The following SHPRH variants were observed in gnomAD, a reference collection of about 807,000 sequenced individuals.
SHPRH encodes E3 ubiquitin-protein ligase SHPRH.
A neutral mutation model predicts 202.5 loss-of-function variants in SHPRH; 106 were observed. That is an observed-to-expected ratio of 0.52 (90% CI 0.45 to 0.62). SHPRH has a LOEUF of 0.62. Ranked by LOEUF, SHPRH falls within the 20% of genes least tolerant of loss-of-function variation. The pLI is 0.00. For synonymous variants in SHPRH, 729 were observed against 686.0 expected, an observed-to-expected ratio of 1.06 and a Z score of -0.98; for missense variants, 1,710 against 2,020.0, an observed-to-expected ratio of 0.85 and a Z score of 2.94.
At chr6:145,896,468 T>A (rs1435602400) in intron 25 of SHPRH, among the ~76,000 whole-genome samples, 4 of 152,034 alleles carry the variant, frequency 2.6e-5, no homozygotes, top group African/African-American at 9.7e-5. Flanking sequence ...AAATGTAGAA[T>A]AAATTTTTTA....
intron 28 of SHPRH, among the ~76,000 whole-genome samples, chr6:145,891,801 T>C (rs1475666230): frequency 1.3e-5 from 2 of 152,152 alleles, no homozygotes; most frequent in Non-Finnish European, 2.9e-5. Flanking sequence ...AGTAAGATTG[T>C]TGGGTAATGC....
chr6:145,943,414 T>C lies in SHPRH; in HGVS notation c.1967A>G (p.Asp656Gly). The C allele has an allele frequency of 6.2e-7, 1 of 1,614,062 alleles. No homozygotes were observed. Among genetic ancestry groups the C allele is most frequent in the Non-Finnish European group, 8.5e-7 (1 of 1,179,964 alleles). Residue 656 changes from aspartate (D) to glycine (G), a missense_variant, in exon 9 of 30, where the codon GAT becomes GGT. Physicochemically the swap from Asp to Gly is moderately conservative, Grantham distance 94. Coordinates refer to ENST00000275233, the MANE Select transcript of SHPRH (RefSeq NM_001042683.3). ...SNTMSPFNTS[D>G]YRFECICGEL... ...ACCACATATACACTCAAAGCGGTAA[T>C]CAGAGGTGTTAAAGGGACTCATGGT... is the stretch of plus-strand genomic sequence containing the variant.
At chr6:145,959,484 G>A (rs1198037251) in intron 1 of SHPRH, among the ~76,000 whole-genome samples, 4 of 147,614 alleles carry the variant, frequency 2.7e-5, no homozygotes, top group East Asian at 2.0e-4. Flanking sequence ...GTAGGCTGGC[G>A]GTACCACCTA....
At chr6:145,958,965 T>G (rs901458731) in intron 1 of SHPRH, among the ~76,000 whole-genome samples, 2 of 152,126 alleles carry the variant, frequency 1.3e-5, no homozygotes, top group African/African-American at 4.8e-5. Flanking sequence ...CCTGAGTAGC[T>G]GGGACTACAG....
intron 25 of SHPRH, chr6:145,903,543 G>A (rs549711334): frequency 6.6e-6 from 1 of 152,088 alleles, no homozygotes; most frequent in South Asian, 2.1e-4. Flanking sequence ...AAAGTTTATG[G>A]AGACAGAGCC....
intron 28 of SHPRH, among the ~76,000 whole-genome samples, chr6:145,892,764 T>C (rs1781676905): frequency 6.6e-6 from 1 of 152,142 alleles, no homozygotes; most frequent in African/African-American, 2.4e-5. Flanking sequence ...TGTCTTTTCC[T>C]AATGTTAAGA....
chr6:145,909,135 C>G (rs948343973), intron 25 of SHPRH: 2 of 152,082 alleles, frequency 1.3e-5, no homozygotes, highest in Admixed American at 6.6e-5. Flanking sequence ...GTTTTGGTTA[C>G]TGTAGCCTTG....
chr6:145,958,514 T>A (rs1156433577), intron 1 of SHPRH, among the ~76,000 whole-genome samples: 1 of 151,980 alleles, frequency 6.6e-6, no homozygotes, highest in Non-Finnish European at 1.5e-5. Context: ...GAAACTAAAG[T>A]GACATTATTT....
chr6:145,922,345 A>G lies in SHPRH; in HGVS notation c.3723T>C (p.Cys1241=). 3.8e-6 allele frequency: 6 copies of G among 1,560,568 alleles called. No individual in the cohort carries two copies. Among genetic ancestry groups the G allele is most frequent in the Non-Finnish European group, 5.2e-6 (6 of 1,163,588 alleles). ...LRPARLPLNC[C]VFCKADELFT... ...ACAATTCATCAGCTTTACAAAAGAC[A>G]CAGCTGAAAAAAAAGAGATTAACAG... The change falls in exon 20 of 30, where the codon TGT becomes TGC. Residue 1241 remains cysteine (C), a synonymous_variant. Transcript: ENST00000275233.
At chr6:145,860,727 A>G (rs1002016578), downstream of SHPRH, among the ~76,000 whole-genome samples, 6 of 152,140 alleles carry the variant, frequency 3.9e-5, no homozygotes, top group Non-Finnish European at 7.4e-5. Flanking sequence ...CAGAGGTATC[A>G]CATTCTATTA....
In SHPRH at chr6:145,886,544, C is replaced by T; in HGVS notation, c.*147G>A. ...TGAAAAGGACTCAATAAGTACTAAGCCACTGTATAACCAGAACAATAAACA... is the reference window on the plus strand; with the variant it reads ...TGAAAAGGACTCAATAAGTACTAAGTCACTGTATAACCAGAACAATAAACA... On this transcript the variant is annotated 3_prime_UTR_variant, in exon 30 of 30. Transcript: ENST00000275233. The T allele has an allele frequency of 7.1e-7, 1 of 1,409,484 alleles. No individual in the cohort carries two copies. The highest frequency in any genetic ancestry group is 9.6e-7 in the Non-Finnish European group (1 of 1,036,966). 87.3% of individuals were successfully genotyped at this position (1,409,484 alleles called of 1,614,324 possible).
At chr6:145,896,355 T>TG (rs1238258402) in intron 25 of SHPRH, among the ~76,000 whole-genome samples, 2 of 152,052 alleles carry the variant, frequency 1.3e-5, no homozygotes, top group Non-Finnish European at 2.9e-5. Context: ...AAAACATCCA[T>TG]GTTCCTTGCA....
intron 18 of SHPRH, among the ~76,000 whole-genome samples, 152 bp from the exon 19 acceptor site, chr6:145,922,988 C>T (rs1784555287): frequency 6.7e-6 from 1 of 148,324 alleles, no homozygotes; most frequent in East Asian, 2.0e-4. Flanking sequence ...AGTTTTCCTT[C>T]AGAATGTATT....
rs778882585 is a variant in SHPRH at position 145,946,330 on chromosome 6, C to T, written c.1224G>A (p.Val408=). ...DALTLPEGKV[V]NYFIPSHYFG... ...AATAATGTGACGGAATAAAATAATTCACCACTTTTCCCTGATACAAACAAC... is the reference window on the plus strand; with the variant it reads ...AATAATGTGACGGAATAAAATAATTTACCACTTTTCCCTGATACAAACAAC... Residue 408 remains valine, a synonymous_variant, in exon 7 of 30, where the codon GTG becomes GTA. Coordinates refer to ENST00000275233, the MANE Select transcript of SHPRH (RefSeq NM_001042683.3). 1.9e-6 allele frequency: 3 copies of T among 1,602,004 alleles called. No homozygotes were observed. The highest frequency in any genetic ancestry group is 4.5e-5 in the East Asian group (2 of 44,184).
At chr6:145,862,574 T>C (rs1779621893), downstream of SHPRH, 3 of 152,294 alleles carry the variant, frequency 2.0e-5, no homozygotes, top group Admixed American at 2.0e-4. Flanking sequence ...GAGTATACTT[T>C]TCCCCAAACA....
At chr6:145,962,668 C>T (rs1789216748) in intron 1 of SHPRH, among the ~76,000 whole-genome samples, 1 of 152,170 alleles carries the variant, frequency 6.6e-6, no homozygotes, top group Non-Finnish European at 1.5e-5. Flanking sequence ...ACACACAAAT[C>T]TTGAATTACA....
intron 11 of SHPRH, among the ~76,000 whole-genome samples, chr6:145,936,219 T>C (rs1786052355): frequency 6.6e-6 from 1 of 151,128 alleles, no homozygotes; most frequent in African/African-American, 2.4e-5. Context: ...GCTTTGGATA[T>C]GAAGTGGAAA....
chr6:145,889,862 TCTG>T (rs893226876), intron 28 of SHPRH, among the ~76,000 whole-genome samples: 2 of 152,132 alleles, frequency 1.3e-5, no homozygotes, highest in African/African-American at 2.4e-5. Flanking sequence ...AAGGGACACT[TCTG>T]CTGTAATAAA....
intron 17 of SHPRH, among the ~76,000 whole-genome samples, chr6:145,924,240 T>G (rs1406664919): frequency 1.3e-5 from 2 of 151,830 alleles, no homozygotes; most frequent in Non-Finnish European, 2.9e-5. Context: ...AAATAATGAA[T>G]GAATTAGAAA....
Sources: gnomAD v4.1 joint callset for allele counts (sites outside exome capture counted in the v4.1 genomes callset) on GRCh38, gnomAD v4.1.1 for gene constraint, MANE v1.5 for transcripts, NCBI Gene and HGNC (gene_info 2026-07-23, HGNC 2026-07-21) for gene names.